The following SPTB variants were observed in gnomAD, a reference collection of about 807,000 sequenced individuals.
The protein encoded by SPTB is spectrin beta chain, erythrocytic.
SPTB carries 45 observed loss-of-function variants against 256.2 expected under a neutral mutation model. That is an observed-to-expected ratio of 0.18 (90% CI 0.14 to 0.23). The LOEUF is 0.23. Among genes scored for constraint, SPTB ranks in the 10% least tolerant of loss-of-function variants. The probability of loss-of-function intolerance (pLI) is 1.00; values close to 1 mark genes in which losing one functional copy is unlikely to be tolerated. For synonymous variants in SPTB, 1,231 were observed against 1,243.1 expected (o/e 0.99, Z 0.21); for missense variants, 2,715 against 3,040.4 (o/e 0.89, Z 2.52).
At chr14:64,750,487 C>CT (rs976098494) in intron 33 of SPTB, among the ~76,000 whole-genome samples, 1 of 151,822 alleles carries the variant, frequency 6.6e-6, no homozygotes, top group African/African-American at 2.4e-5. Context: ...TCAAATATTT[C>CT]TTTTTTTGCC....
At chr14:64,860,866 G>A (rs895997204) in intron 1 of SPTB, among the ~76,000 whole-genome samples, 11 of 152,152 alleles carry the variant, frequency 7.2e-5, no homozygotes, top group African/African-American at 2.7e-4. Context: ...TCTCATTACT[G>A]GGTATATACC....
At chr14:64,803,510 C>G in intron 4 of SPTB, 97 bp downstream of exon 4, 1 of 1,468,454 alleles carries the variant, frequency 6.8e-7, no homozygotes, top group South Asian at 1.1e-5. Context: ...CCAGAATGTG[C>G]ACTAACACCC....
At chr14:64,870,315 GA>G (rs77290442) in intron 1 of SPTB, among the ~76,000 whole-genome samples, 7,939 of 144,538 alleles carry the variant, frequency 0.055, 278 homozygotes, top group Middle Eastern at 0.09. Context: ...AAAAAGCCCT[GA>G]AAAAAAAAAA....
At chr14:64,837,614 T>C (rs2083544893) in intron 1 of SPTB, among the ~76,000 whole-genome samples, 1 of 152,216 alleles carries the variant, frequency 6.6e-6, no homozygotes, top group African/African-American at 2.4e-5. Context: ...TATTTTTACT[T>C]TTTTAAGACA....
rs2083663934 is a variant in SPTB, at chr14:64,844,784, CA to C, written c.-51-21640del. ...TATCCCATTTCTACTAAAAATAGCC[CA>C]ACATTTCCAAAATACATCCAAATCA... On this transcript the variant is annotated intron_variant, in intron 1 of 35. Transcript: ENST00000644917. This position sits in a 1 kb window ranked among gnomAD's most constrained non-coding sequence, Gnocchi z 4.1. 6.6e-6 allele frequency among the ~76,000 whole-genome samples: 1 copy of C among 152,186 alleles called. No individual in the cohort carries two copies. Among genetic ancestry groups the C allele is most frequent in the South Asian group, 2.1e-4 (1 of 4,832 alleles).
chr14:64,819,521 G>A (rs79390867), intron 2 of SPTB, among the ~76,000 whole-genome samples: 3,483 of 151,884 alleles, frequency 0.023, 137 homozygotes, highest in African/African-American at 0.079. Context: ...AGCCAGGGTC[G>A]TGGACTGGAT....
At chr14:64,797,467 CAAAAAAAAAAAAAAAAA>C (rs57385615) in intron 10 of SPTB, among the ~76,000 whole-genome samples, 96 of 31,014 alleles carry the variant, frequency 3.1e-3, no homozygotes, top group African/African-American at 9.3e-3. Context: ...ACCCTGTCTC[CAAAAAAAAAAAAAAAAA>C]AAAAAAAAAA....
Position 64,749,473 on chromosome 14 carries a change from C to T in SPTB, c.6820G>A (p.Glu2274Lys), listed in dbSNP as rs747990413. 1 of 1,600,054 alleles carries T rather than the reference C, an allele frequency of 6.2e-7. No individual in the cohort carries two copies. Among genetic ancestry groups the T allele is most frequent in the Non-Finnish European group, 8.5e-7 (1 of 1,178,120 alleles). ...SEWLFHGKDE[E>K]EMLSWLQGVS... Reference sequence around the variant, plus strand: ...CCCTGCAGCCAGGACAGCATCTCCTCCTGCGGGGCGGAGGGTCACGGTGGA... The same window carrying T: ...CCCTGCAGCCAGGACAGCATCTCCTTCTGCGGGGCGGAGGGTCACGGTGGA... Residue 2274 changes from glutamate to lysine, a missense_variant and splice_region_variant, in exon 36 of 36, where the codon GAG (glutamate) becomes AAG (lysine). Glu to Lys is a moderately conservative substitution (Grantham distance 56). Transcript: ENST00000644917. The surrounding 1 kb of genome is among the most constrained non-coding windows in gnomAD (Gnocchi z 4.7).
chr14:64,791,772 A>C lies in SPTB; in HGVS notation c.2751T>G (p.Ser917Arg), dbSNP rs1314869169. The change falls in exon 15 of 36, where the codon AGT (serine) becomes AGG (arginine). Residue 917 changes from serine to arginine, a missense_variant. Around this residue, in one of 4 missense-constraint regions of SPTB, gnomAD observed 2,239 missense variants for 2,384.4 expected, o/e 0.94. Coordinates refer to ENST00000644917, the MANE Select transcript of SPTB (RefSeq NM_001355436.2). ...TCACCTCCCTGCTGCGTGGGTGGCC[A>C]CTCTCTACCAAGCTGTTGGCAGCGA... ...VNLAANSLVE[S>R]GHPRSREVKQ... is the part of the protein sequence containing the mutation. 6.2e-7 allele frequency: 1 copy of C among 1,613,890 alleles called. No homozygotes were observed. The highest frequency in any genetic ancestry group is 2.2e-5 in the East Asian group (1 of 44,858).
rs1030019624 is a variant in SPTB at position 64,748,110 on chromosome 14, C to G, written c.*1196G>C. On this transcript the variant is annotated 3_prime_UTR_variant, in exon 36 of 36. Transcript: ENST00000644917. ...ATCAAGGGGTACCACACCTTCATGG[C>G]TCTGGCCCTGACATTTGTCCCAGTT... 2 of 152,244 alleles carry G rather than the reference C, an allele frequency of 1.3e-5. No individual in the cohort carries two copies. Among genetic ancestry groups the G allele is most frequent in the Non-Finnish European group, 2.9e-5 (2 of 68,074 alleles). 9.4% of individuals were successfully genotyped at this position (152,244 alleles called of 1,614,324 possible).
intron 32 of SPTB, 78 bp downstream of exon 32, chr14:64,766,647 TG>T (rs1566741387): frequency 6.2e-7 from 1 of 1,612,642 alleles, no homozygotes; most frequent in South Asian, 1.1e-5. Context: ...CGCCTCCACC[TG>T]GGCTGAGCCT....
At chr14:64,803,415 C>T (rs1227326424) in intron 4 of SPTB, among the ~76,000 whole-genome samples, 192 bp downstream of exon 4, 1 of 152,186 alleles carries the variant, frequency 6.6e-6, no homozygotes, top group Non-Finnish European at 1.5e-5. Flanking sequence ...AGCAGCTCCC[C>T]CTGAGCTTCA....
intron 1 of SPTB, among the ~76,000 whole-genome samples, chr14:64,858,854 T>C (rs1157354977): frequency 6.6e-6 from 1 of 152,158 alleles, no homozygotes; most frequent in Non-Finnish European, 1.5e-5. Context: ...CCAGCTGCCT[T>C]AGCTTAAACA....
Position 64,802,137 on chromosome 14 carries a change from G to A in SPTB, c.566+89C>T. 1 of 1,234,960 alleles carries A rather than the reference G, an allele frequency of 8.1e-7. No homozygotes were observed. Among genetic ancestry groups the A allele is most frequent in the Non-Finnish European group, 1.2e-6 (1 of 842,866 alleles). 76.5% of individuals were successfully genotyped at this position (1,234,960 alleles called of 1,614,324 possible). ...GGAGGCAGCTGTAGTTCTGGGTGATGATGTCTAATGTCCCTCTGGAGATGG... is the reference window on the plus strand; with the variant it reads ...GGAGGCAGCTGTAGTTCTGGGTGATAATGTCTAATGTCCCTCTGGAGATGG... On this transcript the variant is annotated intron_variant, in intron 5 of 35. Transcript: ENST00000644917. This position sits in a 1 kb window ranked among gnomAD's most constrained non-coding sequence, Gnocchi z 5.1.
At chr14:64,876,911 T>A (rs905429753) in intron 1 of SPTB, among the ~76,000 whole-genome samples, 3 of 152,148 alleles carry the variant, frequency 2.0e-5, no homozygotes, top group African/African-American at 7.2e-5. Flanking sequence ...ACTCGAGTAA[T>A]AAGAAGTGTG....
rs78511761 is a variant in SPTB, at chr14:64,841,574, C to A, written c.-51-18429G>T. Among the ~76,000 whole-genome samples, 2 of 152,088 alleles carry A rather than the reference C, an allele frequency of 1.3e-5. No individual in the cohort carries two copies. The highest frequency in any genetic ancestry group is 1.5e-5 in the Non-Finnish European group (1 of 68,028). On this transcript the variant is annotated intron_variant, in intron 1 of 35. Coordinates refer to ENST00000644917, the MANE Select transcript of SPTB (RefSeq NM_001355436.2). The surrounding 1 kb of genome is among the most constrained non-coding windows in gnomAD (Gnocchi z 4.6). ...CAGAATGCACTGGGTCTCTAGCCTGCGTCAGATCCACATTTCTTGTGAGGA... is the reference window on the plus strand; with the variant it reads ...CAGAATGCACTGGGTCTCTAGCCTGAGTCAGATCCACATTTCTTGTGAGGA...
intron 10 of SPTB, among the ~76,000 whole-genome samples, chr14:64,797,467 C>CAAAAAAAAAA (rs57385615): frequency 2.6e-4 from 8 of 31,012 alleles, no homozygotes; most frequent in Admixed American, 6.3e-4. Context: ...ACCCTGTCTC[C>CAAAAAAAAAA]AAAAAAAAAA....
intron 1 of SPTB, among the ~76,000 whole-genome samples, chr14:64,875,900 C>T (rs948186637): frequency 6.6e-6 from 1 of 152,124 alleles, no homozygotes; most frequent in African/African-American, 2.4e-5. Flanking sequence ...CTGTAGGTCT[C>T]AGGTTATTTT....
Position 64,753,560 on chromosome 14 carries a change from C to T in SPTB, c.6579G>A (p.Gly2193=). 6.2e-7 allele frequency: 1 copy of T among 1,613,542 alleles called. No homozygotes were observed. Among genetic ancestry groups the T allele is most frequent in the Non-Finnish European group, 8.5e-7 (1 of 1,180,008 alleles). ...GYLGRKHDLE[G]PNKKASNRSW... ...ACCTGTTGGAAGCCTTCTTGTTGGG[C>T]CCCTCCAGGTCATGCTTGCGGCCCA... The change falls in exon 33 of 36, where the codon GGG becomes GGA. Residue 2193 remains glycine, a synonymous_variant. Transcript: ENST00000644917.
Sources: gnomAD v4.1 joint callset for allele counts (sites outside exome capture counted in the v4.1 genomes callset) on GRCh38, gnomAD v4.1.1 for gene constraint, gnomAD v4.1.1 regional missense constraint, Gnocchi (gnomAD v3.1) non-coding constraint, MANE v1.5 for transcripts, NCBI Gene and HGNC (gene_info 2026-07-23, HGNC 2026-07-21) for gene names.